VPS13A: variants seen among roughly 807,000 people sequenced by gnomAD.
The protein encoded by VPS13A is vacuolar protein sorting 13 homolog A.
Under a neutral mutation model 390.9 loss-of-function variants are expected in VPS13A, and 264 were observed. That is an observed-to-expected ratio of 0.68 (90% CI 0.61 to 0.75). VPS13A has a LOEUF of 0.75. VPS13A is among the 30% of genes least tolerant of loss of function. The pLI is 0.00. For missense variants in VPS13A, 3,409 were observed against 3,733.9 expected (o/e 0.91, Z 2.27); for synonymous variants, 1,231 against 1,227.1 (o/e 1.00, Z -0.07).
intron 60 of VPS13A, among the ~76,000 whole-genome samples, chr9:77,366,371 A>T (rs947951565): frequency 6.6e-6 from 1 of 152,086 alleles, no homozygotes; most frequent in African/African-American, 2.4e-5. Flanking sequence ...CATAAGTGAA[A>T]CATAAGTCAT....
At chr9:77,291,112 TG>T (rs1228934292) in intron 31 of VPS13A, among the ~76,000 whole-genome samples, 13 of 152,108 alleles carry the variant, frequency 8.5e-5, no homozygotes, top group Admixed American at 8.5e-4. Context: ...AGTTGAGTGG[TG>T]GGCGAGGGAG....
At chr9:77,397,895 A>G (rs1834184395) in intron 68 of VPS13A, among the ~76,000 whole-genome samples, 1 of 152,180 alleles carries the variant, frequency 6.6e-6, no homozygotes, top group South Asian at 2.1e-4. Flanking sequence ...CTTTTAATGA[A>G]TAAGGCGAAA....
rs1204335640 is a variant in VPS13A, at chr9:77,183,506, T to G, written c.100+5702T>G. Among the ~76,000 whole-genome samples the G allele has an allele frequency of 3.3e-5, 5 of 152,240 alleles. No homozygotes were observed. The East Asian group carries it at 9.6e-4, about 29-fold the overall frequency. ...TTGTATTCTTTCAGTCTGGCTTATT[T>G]CAGCATAATTATTTTGAGATTCATC... is the stretch of plus-strand genomic sequence containing the variant. On this transcript the variant is annotated intron_variant, in intron 1 of 71. Coordinates refer to ENST00000360280, the MANE Select transcript of VPS13A (RefSeq NM_033305.3).
intron 13 of VPS13A, 44 bp downstream of exon 13, chr9:77,221,400 G>A (rs1258054675): frequency 2.5e-6 from 4 of 1,600,384 alleles, no homozygotes; most frequent in Non-Finnish European, 3.4e-6. Flanking sequence ...ATACTACATA[G>A]CTCCTTATTG....
chr9:77,221,394 T>C (rs1246739601), intron 13 of VPS13A, 38 bp downstream of exon 13: 1 of 1,605,300 alleles, frequency 6.2e-7, no homozygotes, highest in Admixed American at 1.7e-5. Context: ...TGTTTTATAC[T>C]ACATAGCTCC....
intron 71 of VPS13A, among the ~76,000 whole-genome samples, chr9:77,408,150 A>G (rs1834718855): frequency 1.3e-5 from 2 of 152,216 alleles, no homozygotes; most frequent in African/African-American, 2.4e-5. Context: ...ACTGAAAAGC[A>G]TGGTGTGTAC....
intron 45 of VPS13A, among the ~76,000 whole-genome samples, chr9:77,328,551 A>G (rs980065472): frequency 6.6e-6 from 1 of 152,196 alleles, no homozygotes; most frequent in Non-Finnish European, 1.5e-5. Flanking sequence ...TGTTTTGTCT[A>G]GTTTGGAAAT....
In VPS13A at chr9:77,421,420, A is replaced by T. The variant is rs564862901; in HGVS notation, c.*5414A>T. 1.3e-5 allele frequency: 2 copies of T among 152,158 alleles called. No homozygotes were observed. Among genetic ancestry groups the T allele is most frequent in the African/African-American group, 2.4e-5 (1 of 41,432 alleles). 9.4% of individuals were successfully genotyped at this position (152,158 alleles called of 1,614,324 possible). On this transcript the variant is annotated 3_prime_UTR_variant, in exon 72 of 72. Coordinates refer to ENST00000360280, the MANE Select transcript of VPS13A (RefSeq NM_033305.3). ...TAAAAATTGGTTGGCCATGCTCACTAATGATTTTTTTTCTTAACAATAAGC... is the reference window on the plus strand; with the variant it reads ...TAAAAATTGGTTGGCCATGCTCACTTATGATTTTTTTTCTTAACAATAAGC...
At position 77,315,297 on chromosome 9, in the gene VPS13A, A is replaced by T. The variant is rs775755427; in HGVS notation, c.4457A>T (p.Asp1486Val). The change falls in exon 38 of 72, where the codon GAT (aspartate) becomes GTT (valine). Residue 1486 changes from aspartate to valine, a missense_variant. Transcript: ENST00000360280. ...GGTTTTGACAAAAAAGACATGATGG[A>T]TATAAAGTACAGGAAAGTCAGAGAT... is the stretch of plus-strand genomic sequence containing the variant. ...TVGFDKKDMM[D>V]IKYRKVRDGC... The T allele has an allele frequency of 6.2e-7, 1 of 1,613,848 alleles. No homozygotes were observed. The highest frequency in any genetic ancestry group is 8.5e-7 in the Non-Finnish European group (1 of 1,179,850).
At chr9:77,205,906 T>G in intron 4 of VPS13A, 72 bp from the exon 5 acceptor site, 1 of 1,211,680 alleles carries the variant, frequency 8.3e-7, no homozygotes, top group Admixed American at 2.2e-5. Flanking sequence ...TGATTATTTG[T>G]AAGGATTTTT....
intron 7 of VPS13A, 41 bp downstream of exon 7, chr9:77,210,716 C>A: frequency 6.3e-7 from 1 of 1,582,278 alleles, no homozygotes; most frequent in Non-Finnish European, 8.7e-7. Context: ...ATTTAATGTG[C>A]AATATAGTCT....
At chr9:77,225,804 T>A in intron 13 of VPS13A, 122 bp from the exon 14 acceptor site, 2 of 726,510 alleles carry the variant, frequency 2.8e-6, no homozygotes, top group Non-Finnish European at 4.8e-6. Context: ...TTGATGAATG[T>A]TCTGTTGTTT....
At chr9:77,231,890 A>G (rs1291257810) in intron 17 of VPS13A, among the ~76,000 whole-genome samples, 1 of 152,150 alleles carries the variant, frequency 6.6e-6, no homozygotes, top group East Asian at 1.9e-4. Context: ...TGTCGCTTAC[A>G]TATACGTTTA....
At chr9:77,341,292 A>G (rs1239691718) in intron 50 of VPS13A, among the ~76,000 whole-genome samples, 1 of 152,024 alleles carries the variant, frequency 6.6e-6, no homozygotes, top group Admixed American at 6.5e-5. Context: ...GTCCCCTCCC[A>G]TTTATGGGAG....
At chr9:77,297,999 T>C (rs1389868497) in intron 33 of VPS13A, among the ~76,000 whole-genome samples, 1 of 152,154 alleles carries the variant, frequency 6.6e-6, no homozygotes, top group African/African-American at 2.4e-5. Flanking sequence ...GATGGTTGAA[T>C]GGGTGTGGGA....
chr9:77,228,382 G>A lies in VPS13A; in HGVS notation c.1595+118G>A. 4 of 1,032,880 alleles carry A rather than the reference G, an allele frequency of 3.9e-6. No homozygotes were observed. The South Asian group carries it at 6.7e-5, about 17-fold the overall frequency. The allele number at this position is 1,032,880 out of a possible 1,614,324, so 64.0% of individuals were successfully genotyped here. A position where few individuals can be genotyped will look rare whatever the true frequency, so the allele number is the denominator to read the frequency against. On this transcript the variant is annotated intron_variant, in intron 17 of 71. Transcript: ENST00000360280. Reference sequence around the variant, plus strand: ...ACTATAGTTTCATATATCCTTTTGTGGTTTCAGGAAAAAGGTTTTTTTTTT... The same window carrying A: ...ACTATAGTTTCATATATCCTTTTGTAGTTTCAGGAAAAAGGTTTTTTTTTT...
At position 77,249,991 on chromosome 9, in the gene VPS13A, G is replaced by A. The variant is rs924440144; in HGVS notation, c.2038-106G>A. 4.7e-6 allele frequency: 6 copies of A among 1,282,852 alleles called. No homozygotes were observed. In the African/African-American group the frequency reaches 7.4e-5, roughly 16 times the overall value. The allele number at this position is 1,282,852 out of a possible 1,614,324, so 79.5% of individuals were successfully genotyped here. A position where few individuals can be genotyped will look rare whatever the true frequency, so the allele number is the denominator to read the frequency against. On this transcript the variant is annotated intron_variant, in intron 20 of 71. Coordinates refer to ENST00000360280, the MANE Select transcript of VPS13A (RefSeq NM_033305.3). ...AGCCTTATTATGTATGCTTACTTGT[G>A]AATTTATCCTCTCCTATTAACATTT... is the stretch of plus-strand genomic sequence containing the variant.
chr9:77,400,673 A>C (rs1834345419), intron 68 of VPS13A, among the ~76,000 whole-genome samples: 1 of 151,682 alleles, frequency 6.6e-6, no homozygotes, highest in Non-Finnish European at 1.5e-5. Flanking sequence ...AAATACAAAA[A>C]AAAAATTAGC....
chr9:77,271,756 A>G (rs556587352), intron 23 of VPS13A, among the ~76,000 whole-genome samples: 7 of 152,312 alleles, frequency 4.6e-5, no homozygotes, highest in Admixed American at 1.3e-4. Context: ...ACTTAACAAA[A>G]CTTGTATTCT....
Sources: allele counts gnomAD v4.1 joint callset (sites outside exome capture counted in the v4.1 genomes callset), GRCh38; gene constraint gnomAD v4.1.1; transcripts MANE v1.5; gene names NCBI Gene and HGNC (gene_info 2026-07-23, HGNC 2026-07-21).